Variants in MAGI3 observed in about 807,000 individuals in gnomAD.
The protein encoded by MAGI3 is membrane associated guanylate kinase, WW and PDZ domain containing 3.
Under a neutral mutation model 121.8 loss-of-function variants are expected in MAGI3, and 43 were observed. The ratio of observed to expected loss-of-function variants is 0.35; its 90% CI spans 0.28 to 0.46. The LOEUF (loss-of-function observed/expected upper bound fraction) is 0.46, where lower values mean the gene tolerates loss of function less well. MAGI3 is among the 20% of genes least tolerant of loss of function. The pLI is 1.00. For synonymous variants in MAGI3, 553 were observed against 639.3 expected (o/e 0.86, Z 2.04); for missense variants, 1,547 against 1,797.3 (o/e 0.86, Z 2.52).
At chr1:113,450,670 T>C (rs1422653553) in intron 1 of MAGI3, 39 of 1,032,250 alleles carry the variant, frequency 3.8e-5, no homozygotes, top group Non-Finnish European at 4.3e-5. Flanking sequence ...GCTCGGGCAG[T>C]CCCTATGGTG....
chr1:113,640,642 C>T (rs190465019), intron 9 of MAGI3, among the ~76,000 whole-genome samples: 4 of 151,900 alleles, frequency 2.6e-5, no homozygotes, highest in Admixed American at 2.6e-4. Flanking sequence ...GAAAACCAAA[C>T]GCTGCATGTT....
chr1:113,558,731 C>T (rs1660097195), intron 2 of MAGI3, among the ~76,000 whole-genome samples: 1 of 152,084 alleles, frequency 6.6e-6, no homozygotes, highest in Admixed American at 6.5e-5. Context: ...TAAGATACTC[C>T]ATGAGAAAAT....
At chr1:113,600,118 C>G (rs1178361993) in intron 6 of MAGI3, among the ~76,000 whole-genome samples, 3 of 152,088 alleles carry the variant, frequency 2.0e-5, no homozygotes, top group Non-Finnish European at 4.4e-5. Flanking sequence ...CAATATCATA[C>G]TGAATGGGCA....
intron 1 of MAGI3, among the ~76,000 whole-genome samples, chr1:113,503,219 TAAAAAAAAA>T (rs869272201): frequency 1.1e-4 from 1 of 8,976 alleles, no homozygotes; most frequent in African/African-American, 9.1e-4. Flanking sequence ...AGAGTATAAT[TAAAAAAAAA>T]AAAAAAAAAA....
At chr1:113,593,722 G>A (rs1003367792) in intron 5 of MAGI3, among the ~76,000 whole-genome samples, 2 of 152,212 alleles carry the variant, frequency 1.3e-5, no homozygotes. Context: ...GCTGCATGGT[G>A]ACCTGGTCTG....
intron 1 of MAGI3, among the ~76,000 whole-genome samples, chr1:113,474,020 A>T (rs1655676990): frequency 6.6e-6 from 1 of 152,186 alleles, no homozygotes. Flanking sequence ...ATGACCAGTG[A>T]TGATGAGCAT....
intron 7 of MAGI3, among the ~76,000 whole-genome samples, chr1:113,616,683 T>A (rs1650489570): frequency 6.6e-6 from 1 of 152,186 alleles, no homozygotes; most frequent in East Asian, 1.9e-4. Flanking sequence ...ATAAATATGC[T>A]TATATATTTA....
At chr1:113,397,710 T>A (rs1651189319) in intron 1 of MAGI3, among the ~76,000 whole-genome samples, 1 of 152,222 alleles carries the variant, frequency 6.6e-6, no homozygotes, top group Admixed American at 6.5e-5. Flanking sequence ...AAGTTTTTTT[T>A]AAATGTGTTA....
intron 1 of MAGI3, among the ~76,000 whole-genome samples, chr1:113,465,017 A>C (rs540343875): frequency 6.6e-6 from 1 of 151,932 alleles, no homozygotes; most frequent in Non-Finnish European, 1.5e-5. Flanking sequence ...CCATTTGTCT[A>C]TTTTTGCTGT....
At chr1:113,510,690 T>C (rs913676300) in intron 1 of MAGI3, among the ~76,000 whole-genome samples, 1 of 152,202 alleles carries the variant, frequency 6.6e-6, no homozygotes, top group African/African-American at 2.4e-5. Context: ...GAGGAGAAAT[T>C]CTAAACTCTA....
At chr1:113,670,203 A>AG (rs1571028035) in intron 16 of MAGI3, among the ~76,000 whole-genome samples, 1 of 152,134 alleles carries the variant, frequency 6.6e-6, no homozygotes, top group East Asian at 1.9e-4. Flanking sequence ...AGAAATCCTC[A>AG]GGGGCCACCT....
At position 113,429,607 on chromosome 1, in the gene MAGI3, C is replaced by T. The variant is rs753559050; in HGVS notation, c.316+38258C>T. 6.4e-4 allele frequency among the ~76,000 whole-genome samples: 97 copies of T among 152,218 alleles called. 1 individual carries two copies. Among genetic ancestry groups the T allele is most frequent in the Admixed American group, 1.0e-3 (16 of 15,294 alleles). Reference sequence around the variant, plus strand: ...GTTACATAGTTACACCCTATGCAAACGTGTGATTGGTTGCGGAAAGTGACC... The same window carrying T: ...GTTACATAGTTACACCCTATGCAAATGTGTGATTGGTTGCGGAAAGTGACC... On this transcript the variant is annotated intron_variant, in intron 1 of 20. Coordinates refer to ENST00000307546, the MANE Select transcript of MAGI3 (RefSeq NM_001142782.2).
chr1:113,624,690 G>A (rs988164032), intron 9 of MAGI3, among the ~76,000 whole-genome samples: 4 of 152,066 alleles, frequency 2.6e-5, no homozygotes, highest in African/African-American at 9.7e-5. Context: ...TGTTTCCTTT[G>A]CTATGCAGAA....
Position 113,683,590 on chromosome 1 carries a change from CAAAGCAGAATCAGTTGGAAA to C in MAGI3, c.4032_4051del (p.Gln1345LysfsTer12). 1.2e-6 allele frequency: 2 copies of C among 1,613,642 alleles called. No homozygotes were observed. Among genetic ancestry groups the C allele is most frequent in the Non-Finnish European group, 1.7e-6 (2 of 1,179,838 alleles). ...AAATCAGACGTCATCAGGAAAGATGCAAAGCAGAATCAGTTGGAAAAAAGCAGAACAAGGTCTCCAGAGAA... is the reference window on the plus strand; with the variant it reads ...AAATCAGACGTCATCAGGAAAGATGCAAAGCAGAACAAGGTCTCCAGAGAA... On this transcript the variant is annotated frameshift_variant, in exon 21 of 21. Transcript: ENST00000307546. LOFTEE classifies it low-confidence loss of function (END_TRUNC).
intron 9 of MAGI3, among the ~76,000 whole-genome samples, chr1:113,629,757 T>TCTCTCTCCCTCTCC (rs1553209675): frequency 1.9e-3 from 185 of 95,750 alleles, no homozygotes; most frequent in African/African-American, 3.2e-3. Flanking sequence ...TCTCTCTCTC[T>TCTCTCTCCCTCTCC]CTCTCCCTCC....
At chr1:113,643,299 T>A (rs1336537098) in intron 10 of MAGI3, among the ~76,000 whole-genome samples, 2 of 152,272 alleles carry the variant, frequency 1.3e-5, no homozygotes, top group African/African-American at 4.8e-5. Flanking sequence ...CTTCAGCTTC[T>A]TTGGGAGTTG....
intron 1 of MAGI3, among the ~76,000 whole-genome samples, chr1:113,437,870 T>TTCTTCTTCTTCTTCCTCC (rs1557757143): frequency 5.4e-5 from 1 of 18,498 alleles, no homozygotes; most frequent in Non-Finnish European, 8.7e-5. Context: ...CTTCCTCTTC[T>TTCTTCTTCTTCTTCCTCC]TCTTCTTCTC....
chr1:113,479,700 C>A (rs183007481), intron 1 of MAGI3, among the ~76,000 whole-genome samples: 1 of 152,196 alleles, frequency 6.6e-6, no homozygotes, highest in African/African-American at 2.4e-5. Flanking sequence ...TGCCCCTTCT[C>A]TTTCTCTTTT....
chr1:113,418,084 G>GT (rs1458091978), intron 1 of MAGI3, among the ~76,000 whole-genome samples: 19 of 151,844 alleles, frequency 1.3e-4, no homozygotes, highest in Admixed American at 9.8e-4. Flanking sequence ...TTTTGTTTTT[G>GT]TTTTTTATCT....
Sources: gnomAD v4.1 joint callset for allele counts (sites outside exome capture counted in the v4.1 genomes callset) on GRCh38, gnomAD v4.1.1 for gene constraint, MANE v1.5 for transcripts, NCBI Gene and HGNC (gene_info 2026-07-23, HGNC 2026-07-21) for gene names.